ZMYM4: variants seen among roughly 807,000 people sequenced by gnomAD.
ZMYM4 encodes zinc finger MYM-type protein 4.
A neutral mutation model predicts 183.2 loss-of-function variants in ZMYM4; 31 were observed. That is an observed-to-expected ratio of 0.17 (90% CI 0.13 to 0.23). The LOEUF is 0.23. ZMYM4 is among the 10% of genes least tolerant of loss of function. ZMYM4 has a pLI of 1.00. For synonymous variants in ZMYM4, 592 were observed against 631.2 expected (o/e 0.94, Z 0.93); for missense variants, 1,273 against 1,840.3 (o/e 0.69, Z 5.64).
At chr1:35,396,706 A>G in intron 19 of ZMYM4, 36 bp downstream of exon 19, 5 of 1,602,686 alleles carry the variant, frequency 3.1e-6, no homozygotes, top group Non-Finnish European at 4.3e-6. Context: ...CTAATATAGC[A>G]TGCATTTTCC....
intron 1 of ZMYM4, among the ~76,000 whole-genome samples, chr1:35,287,600 TTTTTA>T (rs912177984): frequency 5.7e-4 from 86 of 152,090 alleles, no homozygotes; most frequent in African/African-American, 2.0e-3. Flanking sequence ...TTTATTTTTA[TTTTTA>T]TTTTATTTTA....
chr1:35,412,342 C>CCT, intron 26 of ZMYM4, among the ~76,000 whole-genome samples: 1 of 152,188 alleles, frequency 6.6e-6, no homozygotes, highest in Non-Finnish European at 1.5e-5. Flanking sequence ...GATTCTGTCA[C>CCT]CTGCAACTAG....
At chr1:35,334,878 CT>C (rs1461797189) in intron 2 of ZMYM4, among the ~76,000 whole-genome samples, 1 of 152,146 alleles carries the variant, frequency 6.6e-6, no homozygotes, top group Non-Finnish European at 1.5e-5. Flanking sequence ...TTTATGACAT[CT>C]GGGTTTTCAG....
At chr1:35,412,314 A>G (rs1007062652) in intron 26 of ZMYM4, among the ~76,000 whole-genome samples, 11 of 152,072 alleles carry the variant, frequency 7.2e-5, no homozygotes, top group Admixed American at 6.6e-4. Flanking sequence ...TGTATTCTCT[A>G]AGATTTTCTA....
At chr1:35,382,110 A>T (rs575672806) in intron 9 of ZMYM4, among the ~76,000 whole-genome samples, 25 of 148,880 alleles carry the variant, frequency 1.7e-4, no homozygotes, top group African/African-American at 6.2e-4. Context: ...GTACCATTGC[A>T]CTCCAGCCTG....
chr1:35,389,211 A>C lies in ZMYM4; in HGVS notation c.2436+129A>C. 1.1e-6 allele frequency: 1 copy of C among 876,874 alleles called. No homozygotes were observed. Among genetic ancestry groups the C allele is most frequent in the Non-Finnish European group, 1.6e-6 (1 of 606,704 alleles). The allele number at this position is 876,874 out of a possible 1,614,324, so 54.3% of individuals were successfully genotyped here. ...AAGTATTAAATGTTTTATGCCTTCT[A>C]GCAATTAATATAAGATTTAGAAAGA... On this transcript the variant is annotated intron_variant, in intron 14 of 29. Coordinates refer to ENST00000314607, the MANE Select transcript of ZMYM4 (RefSeq NM_005095.3). This position sits in a 1 kb window ranked among gnomAD's most constrained non-coding sequence, Gnocchi z 4.0.
intron 2 of ZMYM4, among the ~76,000 whole-genome samples, chr1:35,345,523 C>A (rs968669517): frequency 6.6e-6 from 1 of 151,746 alleles, no homozygotes; most frequent in Non-Finnish European, 1.5e-5. Flanking sequence ...GGTGCGATCT[C>A]GACTCACTGC....
At position 35,338,725 on chromosome 1, in the gene ZMYM4, G is replaced by C. The variant is rs368076117; in HGVS notation, c.85+13320G>C. Among the ~76,000 whole-genome samples, 52 of 152,232 alleles carry C rather than the reference G, an allele frequency of 3.4e-4. 1 individual carries two copies. The highest frequency in any genetic ancestry group is 1.2e-3 in the African/African-American group (49 of 41,542). On this transcript the variant is annotated intron_variant, in intron 2 of 29. Coordinates refer to ENST00000314607, the MANE Select transcript of ZMYM4 (RefSeq NM_005095.3). ...TGCATTTCCTTGTTAATGAGTAGTT[G>C]AACATTTTTCACATTTATTGGGTAT...
chr1:35,318,678 G>A (rs1248324371), intron 1 of ZMYM4, among the ~76,000 whole-genome samples: 2 of 151,974 alleles, frequency 1.3e-5, no homozygotes, highest in Non-Finnish European at 2.9e-5. Flanking sequence ...GGCTGGTCTT[G>A]AACTCCTGAC....
Position 35,360,664 on chromosome 1 carries a change from G to A in ZMYM4, c.608-530G>A, listed in dbSNP as rs977192338. On this transcript the variant is annotated intron_variant, in intron 3 of 29. Coordinates refer to ENST00000314607, the MANE Select transcript of ZMYM4 (RefSeq NM_005095.3). The stretch of plus-strand genomic sequence containing the variant: ...AAGTGCCAATGTCCAGCTGAATAGC[G>A]TAAGATTTAATTTACAGTTAAAGAC... 5.3e-5 allele frequency among the ~76,000 whole-genome samples: 8 copies of A among 152,076 alleles called. No individual in the cohort carries two copies. In the East Asian group the frequency reaches 5.8e-4, roughly 11 times the overall value.
intron 5 of ZMYM4, among the ~76,000 whole-genome samples, chr1:35,365,335 A>G (rs571455887): frequency 2.0e-5 from 3 of 150,400 alleles, no homozygotes; most frequent in Non-Finnish European, 4.4e-5. Flanking sequence ...CAAAATAGAT[A>G]CTTTAAAGAG....
chr1:35,404,397 A>G (rs1644965766), intron 23 of ZMYM4, among the ~76,000 whole-genome samples: 1 of 152,176 alleles, frequency 6.6e-6, no homozygotes, highest in African/African-American at 2.4e-5. Flanking sequence ...AGCTTAGGTT[A>G]TAGATTATAG....
chr1:35,400,537 G>A (rs1418911567), intron 23 of ZMYM4, among the ~76,000 whole-genome samples: 2 of 152,030 alleles, frequency 1.3e-5, no homozygotes, highest in Non-Finnish European at 2.9e-5. Context: ...GTAAAATAGT[G>A]AAGTTCACAT....
intron 1 of ZMYM4, among the ~76,000 whole-genome samples, chr1:35,288,416 T>G (rs1640609168): frequency 6.6e-6 from 1 of 152,224 alleles, no homozygotes; most frequent in Non-Finnish European, 1.5e-5. Context: ...CAGCTTGCCT[T>G]ACAGCTCTGA....
chr1:35,288,077 C>G (rs1177862504), intron 1 of ZMYM4, among the ~76,000 whole-genome samples: 1 of 152,154 alleles, frequency 6.6e-6, no homozygotes, highest in East Asian at 1.9e-4. Context: ...TGTTTCTTCC[C>G]TTTCCCTTAC....
chr1:35,352,725 C>T (rs1388611534), intron 2 of ZMYM4, among the ~76,000 whole-genome samples: 1 of 152,176 alleles, frequency 6.6e-6, no homozygotes, highest in Non-Finnish European at 1.5e-5. Context: ...TCATTTTTCT[C>T]CTACTCTATT....
intron 23 of ZMYM4, among the ~76,000 whole-genome samples, chr1:35,403,207 G>A (rs909764886): frequency 6.6e-6 from 1 of 152,020 alleles, no homozygotes; most frequent in African/African-American, 2.4e-5. Flanking sequence ...TCCATTCCTG[G>A]GATAAACCCT....
intron 1 of ZMYM4, among the ~76,000 whole-genome samples, chr1:35,284,186 C>T (rs368487235): frequency 0.012 from 1,831 of 151,888 alleles, 39 homozygotes; most frequent in African/African-American, 0.042. Context: ...CCTTGTTAGC[C>T]AGGATGGTCT....
intron 1 of ZMYM4, chr1:35,295,912 C>G (rs1640984838): frequency 2.0e-5 from 3 of 152,180 alleles, no homozygotes; most frequent in Non-Finnish European, 4.4e-5. Flanking sequence ...AACTGCCCAT[C>G]TATTTCATTC....
Sources: gnomAD v4.1 joint callset for allele counts (sites outside exome capture counted in the v4.1 genomes callset) on GRCh38, gnomAD v4.1.1 for gene constraint, Gnocchi (gnomAD v3.1) non-coding constraint, MANE v1.5 for transcripts, NCBI Gene and HGNC (gene_info 2026-07-23, HGNC 2026-07-21) for gene names.